The following PATJ variants were observed in gnomAD, a reference collection of about 807,000 sequenced individuals.
PATJ encodes inaD-like protein.
Under a neutral mutation model 224.9 loss-of-function variants are expected in PATJ, and 190 were observed. The observed-to-expected ratio is 0.84, with a 90% CI of 0.75 to 0.95. The LOEUF (loss-of-function observed/expected upper bound fraction) is 0.95, where lower values mean the gene tolerates loss of function less well. Ranked by LOEUF, PATJ falls within the 40% of genes least tolerant of loss-of-function variation. PATJ has a pLI of 0.00. For synonymous variants in PATJ, 769 were observed against 820.3 expected, an observed-to-expected ratio of 0.94 and a Z score of 1.07; for missense variants, 2,121 against 2,270.3, an observed-to-expected ratio of 0.93 and a Z score of 1.34.
chr1:62,092,745 TA>T (rs1001920360), intron 33 of PATJ, among the ~76,000 whole-genome samples: 10 of 151,268 alleles, frequency 6.6e-5, no homozygotes, highest in African/African-American at 2.2e-4. Flanking sequence ...TTTATTTATT[TA>T]TTTTTTTATT....
intron 27 of PATJ, among the ~76,000 whole-genome samples, chr1:61,931,710 G>A (rs114926134): frequency 0.012 from 1,872 of 152,298 alleles, 41 homozygotes; most frequent in African/African-American, 0.042. Context: ...GTTTCAGTGA[G>A]CCAAAATCAT....
chr1:61,845,631 C>G (rs1661812197), intron 17 of PATJ, among the ~76,000 whole-genome samples: 1 of 152,082 alleles, frequency 6.6e-6, no homozygotes, highest in South Asian at 2.1e-4. Context: ...TTTTCCTGTA[C>G]AGTTTCAAAG....
At chr1:61,983,650 A>T (rs879775691) in intron 27 of PATJ, among the ~76,000 whole-genome samples, 7 of 152,042 alleles carry the variant, frequency 4.6e-5, no homozygotes, top group African/African-American at 7.3e-5. Context: ...AAAATCACTC[A>T]TTTCTGTTTT....
chr1:62,098,188 T>A (rs572515972), intron 33 of PATJ, among the ~76,000 whole-genome samples: 3 of 151,964 alleles, frequency 2.0e-5, no homozygotes, highest in South Asian at 4.2e-4. Flanking sequence ...TGAAACCCCA[T>A]CTTTATTAAA....
intron 20 of PATJ, among the ~76,000 whole-genome samples, chr1:61,870,554 C>T (rs1188568023): frequency 6.6e-6 from 1 of 152,142 alleles, no homozygotes; most frequent in Non-Finnish European, 1.5e-5. Flanking sequence ...TGCCTCCTGT[C>T]ACTACCAATA....
At chr1:62,138,133 T>C (rs1292897670) in intron 41 of PATJ, among the ~76,000 whole-genome samples, 2 of 152,204 alleles carry the variant, frequency 1.3e-5, no homozygotes, top group African/African-American at 4.8e-5. Context: ...AAGTAGTTCA[T>C]TAAATGCCTA....
In PATJ at chr1:61,763,152, G is replaced by A. The variant is rs202071560; in HGVS notation, c.162G>A (p.Gln54=). The A allele has an allele frequency of 8.9e-5, 142 of 1,596,544 alleles. No homozygotes were observed. Among genetic ancestry groups the A allele is most frequent in the Non-Finnish European group, 6.4e-5 (75 of 1,171,976 alleles). The part of the protein sequence containing the change: ...SPLFNQILTL[Q]QSIKQLKGQL... ...TCTTCAACCAGATACTCACACTTCA[G>A]CAGTCCATCAAGCAACTGAAGGGTC... The change falls in exon 3 of 44, where the codon CAG becomes CAA. Residue 54 remains glutamine, a synonymous_variant. Transcript: ENST00000642238.
intron 41 of PATJ, among the ~76,000 whole-genome samples, chr1:62,131,079 T>C (rs1558212152): frequency 1.3e-5 from 2 of 152,214 alleles, no homozygotes; most frequent in Non-Finnish European, 2.9e-5. Context: ...GTTTATGTGA[T>C]AGGCCAAATA....
intron 29 of PATJ, among the ~76,000 whole-genome samples, chr1:62,023,829 C>T (rs1244345976): frequency 1.3e-5 from 2 of 152,188 alleles, no homozygotes; most frequent in African/African-American, 4.8e-5. Context: ...ATGTCGGCTG[C>T]AGATTTTTCA....
intron 27 of PATJ, among the ~76,000 whole-genome samples, chr1:61,967,464 GA>G (rs1359927695): frequency 6.6e-6 from 1 of 152,100 alleles, no homozygotes; most frequent in Non-Finnish European, 1.5e-5. Flanking sequence ...TTAGATGTTA[GA>G]AAAAAAGATA....
chr1:62,103,270 C>T (rs1039701463), intron 33 of PATJ, among the ~76,000 whole-genome samples: 1 of 152,174 alleles, frequency 6.6e-6, no homozygotes, highest in African/African-American at 2.4e-5. Flanking sequence ...AATTTCATCT[C>T]TCCTAATTAG....
At chr1:62,115,465 TA>T (rs941641824) in intron 35 of PATJ, among the ~76,000 whole-genome samples, 4 of 151,928 alleles carry the variant, frequency 2.6e-5, no homozygotes, top group South Asian at 2.1e-4. Context: ...GACTTGTCTC[TA>T]AAAAAATTTT....
intron 15 of PATJ, among the ~76,000 whole-genome samples, chr1:61,826,352 T>C (rs1016022951): frequency 6.6e-6 from 1 of 152,216 alleles, no homozygotes; most frequent in African/African-American, 2.4e-5. Context: ...TGGCCAGTTA[T>C]CTGAACATTA....
In PATJ at chr1:62,005,470, GA is replaced by G. The variant is rs1425907576; in HGVS notation, c.3868-12379del. On this transcript the variant is annotated intron_variant, in intron 28 of 43. Transcript: ENST00000642238. The stretch of plus-strand genomic sequence containing the variant: ...ACATTCAGTAAAAGAGTTTATTAAA[GA>G]AAAAAAGTTGGGCCAGGCACAGTGG... Among the ~76,000 whole-genome samples the G allele has an allele frequency of 7.0e-5, 10 of 142,034 alleles. No individual in the cohort carries two copies. In the South Asian group the frequency reaches 2.4e-3, roughly 34 times the overall value. 93.2% of individuals were successfully genotyped at this position (142,034 alleles called of 152,430 possible).
At chr1:61,798,860 C>A (rs969620521) in intron 11 of PATJ, among the ~76,000 whole-genome samples, 2 of 151,626 alleles carry the variant, frequency 1.3e-5, no homozygotes, top group Non-Finnish European at 2.9e-5. Context: ...TGCCGGCCTG[C>A]GTGACAGAGT....
intron 17 of PATJ, among the ~76,000 whole-genome samples, chr1:61,842,166 C>T (rs1661201884): frequency 6.6e-6 from 1 of 152,120 alleles, no homozygotes; most frequent in Non-Finnish European, 1.5e-5. Context: ...CTAAAGGCAT[C>T]AGGAGACCAG....
intron 33 of PATJ, among the ~76,000 whole-genome samples, chr1:62,103,914 G>T (rs923250334): frequency 1.3e-5 from 2 of 152,112 alleles, no homozygotes; most frequent in African/African-American, 2.4e-5. Flanking sequence ...ACAGTAGCAG[G>T]GCCAAGATTT....
chr1:62,125,696 T>G (rs1009355203), intron 39 of PATJ, among the ~76,000 whole-genome samples: 3 of 152,228 alleles, frequency 2.0e-5, no homozygotes, highest in African/African-American at 7.2e-5. Flanking sequence ...TTCAGCCACT[T>G]GTTTTTACAG....
chr1:62,032,235 C>T (rs895014131), intron 29 of PATJ, among the ~76,000 whole-genome samples: 1 of 152,136 alleles, frequency 6.6e-6, no homozygotes, highest in African/African-American at 2.4e-5. Context: ...GCTCTCAGCT[C>T]CTAGAGGTCC....
Sources: allele counts gnomAD v4.1 joint callset (sites outside exome capture counted in the v4.1 genomes callset), GRCh38; gene constraint gnomAD v4.1.1; transcripts MANE v1.5; gene names NCBI Gene and HGNC (gene_info 2026-07-23, HGNC 2026-07-21).